SCN8A: variants seen among roughly 807,000 people sequenced by gnomAD.
The protein encoded by SCN8A is sodium voltage-gated channel alpha subunit 8.
SCN8A carries 30 observed loss-of-function variants against 184.1 expected under a neutral mutation model. That is an observed-to-expected ratio of 0.16 (90% CI 0.12 to 0.22). SCN8A has a LOEUF of 0.22. Among genes scored for constraint, SCN8A ranks in the 10% least tolerant of loss-of-function variants. The pLI is 1.00. For missense variants in SCN8A, 1,057 were observed against 2,498.9 expected, an observed-to-expected ratio of 0.42 and a Z score of 12.30; for synonymous variants, 852 against 907.0, an observed-to-expected ratio of 0.94 and a Z score of 1.09.
chr12:51,757,306 G>T (rs1393465999), intron 14 of SCN8A, among the ~76,000 whole-genome samples: 2 of 78,926 alleles, frequency 2.5e-5, no homozygotes, highest in Non-Finnish European at 7.2e-5. Context: ...TATTTTTCAT[G>T]GTCACATTTT....
At chr12:51,640,269 T>C (rs1241506862) in intron 1 of SCN8A, among the ~76,000 whole-genome samples, 2 of 127,370 alleles carry the variant, frequency 1.6e-5, no homozygotes, top group African/African-American at 3.0e-5. Context: ...AGTGCTTTCC[T>C]ACACTTAATA....
intron 2 of SCN8A, among the ~76,000 whole-genome samples, chr12:51,673,874 T>G (rs1426792525): frequency 1.3e-5 from 2 of 152,166 alleles, no homozygotes; most frequent in Non-Finnish European, 2.9e-5. Context: ...GGAAGGACAA[T>G]TCTATTGAAG....
intron 1 of SCN8A, among the ~76,000 whole-genome samples, chr12:51,648,842 C>G (rs1305356221): frequency 6.6e-6 from 1 of 152,136 alleles, no homozygotes; most frequent in Non-Finnish European, 1.5e-5. Context: ...CCTCACATTT[C>G]AAAACCAATC....
At chr12:51,731,600 C>CG (rs1310085093) in intron 12 of SCN8A, among the ~76,000 whole-genome samples, 1 of 152,084 alleles carries the variant, frequency 6.6e-6, no homozygotes, top group Admixed American at 6.6e-5. Flanking sequence ...AGTGGGATTC[C>CG]GGATCGTAAG....
At position 51,716,016 on chromosome 12, in the gene SCN8A, A is replaced by G. The variant is rs75541556; in HGVS notation, c.1636-5530A>G. On this transcript the variant is annotated intron_variant, in intron 11 of 26. Transcript: ENST00000627620. ...GTTGGTTAAAAATGAGAGGTAGAAC[A>G]TGTATATAAAGAACTGTTGTAAAAA... Among the ~76,000 whole-genome samples the G allele has an allele frequency of 8.1e-3, 1,239 of 152,344 alleles. 8 individuals carry two copies. The highest frequency in any genetic ancestry group is 0.028 in the African/African-American group (1,145 of 41,576).
intron 21 of SCN8A, among the ~76,000 whole-genome samples, chr12:51,782,643 T>G (rs1451608551): frequency 6.6e-6 from 1 of 152,218 alleles, no homozygotes; most frequent in Non-Finnish European, 1.5e-5. Context: ...ATCTGACGCT[T>G]GTTACTAACT....
chr12:51,706,276 C>T, intron 10 of SCN8A, 146 bp from the exon 11 acceptor site: 3 of 690,292 alleles, frequency 4.3e-6, no homozygotes, highest in Non-Finnish European at 6.7e-6. Flanking sequence ...CCAGAATACA[C>T]AGAAACCCTC....
intron 1 of SCN8A, among the ~76,000 whole-genome samples, chr12:51,606,443 C>T (rs995004188): frequency 1.5e-4 from 23 of 152,264 alleles, no homozygotes; most frequent in African/African-American, 5.5e-4. Context: ...TTCCGTTGGT[C>T]TATGTGCCTA....
chr12:51,772,912 T>A (rs374701906), intron 19 of SCN8A, among the ~76,000 whole-genome samples: 1 of 151,902 alleles, frequency 6.6e-6, no homozygotes, highest in Non-Finnish European at 1.5e-5. Flanking sequence ...GTCAGGAGAT[T>A]GAGACCATCC....
chr12:51,645,139 G>A (rs1426193634), intron 1 of SCN8A, among the ~76,000 whole-genome samples: 10 of 144,242 alleles, frequency 6.9e-5, no homozygotes, highest in Middle Eastern at 3.9e-3. Context: ...GCCTCTGCCC[G>A]GCCGCCCCTA....
At chr12:51,770,719 T>G (rs1592152553) in intron 19 of SCN8A, 36 bp downstream of exon 19, 2 of 1,606,156 alleles carry the variant, frequency 1.2e-6, no homozygotes, top group Non-Finnish European at 1.7e-6. Flanking sequence ...AGGGATTGGC[T>G]GGGGAAGGGT....
chr12:51,655,150 C>T (rs1940796244), intron 1 of SCN8A, among the ~76,000 whole-genome samples: 1 of 152,112 alleles, frequency 6.6e-6, no homozygotes, highest in Non-Finnish European at 1.5e-5. Context: ...CTGCCTGGCT[C>T]AGCCCCCCAT....
chr12:51,676,078 G>T (rs1338259633), intron 2 of SCN8A, among the ~76,000 whole-genome samples: 2 of 152,174 alleles, frequency 1.3e-5, no homozygotes, highest in Admixed American at 6.5e-5. Flanking sequence ...GTGTAATAGA[G>T]GCGTGGAAAA....
intron 14 of SCN8A, among the ~76,000 whole-genome samples, chr12:51,755,627 C>G (rs623781): frequency 0.86 from 128,047 of 149,596 alleles, 54,730 homozygotes; most frequent in East Asian, 0.98. Flanking sequence ...AAATAGAAAA[C>G]TAAAAAAAAA....
intron 20 of SCN8A, among the ~76,000 whole-genome samples, chr12:51,779,412 G>GT (rs568332094): frequency 6.6e-6 from 1 of 152,142 alleles, no homozygotes; most frequent in Non-Finnish European, 1.5e-5. Context: ...GTAGAACAAG[G>GT]TAAGTTTGCC....
intron 1 of SCN8A, among the ~76,000 whole-genome samples, chr12:51,593,184 G>A (rs1223613048): frequency 6.6e-6 from 1 of 152,182 alleles, no homozygotes; most frequent in Non-Finnish European, 1.5e-5. Flanking sequence ...TGGTGAGGTG[G>A]TGGTTGTGGG....
At chr12:51,780,388 C>T (rs994698468) in intron 20 of SCN8A, 28 of 355,636 alleles carry the variant, frequency 7.9e-5, no homozygotes, top group African/African-American at 4.6e-4. Context: ...ACCGCCTTCT[C>T]GATTTTCTCT....
At chr12:51,717,177 A>G (rs1941980075) in intron 11 of SCN8A, among the ~76,000 whole-genome samples, 1 of 151,892 alleles carries the variant, frequency 6.6e-6, no homozygotes, top group Non-Finnish European at 1.5e-5. Context: ...GAAGTAACGA[A>G]CTCTTCTTTC....
chr12:51,649,546 C>T (rs919401571), intron 1 of SCN8A, among the ~76,000 whole-genome samples: 1 of 152,238 alleles, frequency 6.6e-6, no homozygotes, highest in African/African-American at 2.4e-5. Flanking sequence ...GACTTCTGTG[C>T]CCTCGCAGGC....
Sources: allele counts gnomAD v4.1 joint callset (sites outside exome capture counted in the v4.1 genomes callset), GRCh38; gene constraint gnomAD v4.1.1; transcripts MANE v1.5; gene names NCBI Gene and HGNC (gene_info 2026-07-23, HGNC 2026-07-21).